Variants in TAF4 observed in about 807,000 individuals in gnomAD.
The protein encoded by TAF4 is TATA-box binding protein associated factor 4.
Under a neutral mutation model 90.3 loss-of-function variants are expected in TAF4, and 9 were observed. That is an observed-to-expected ratio of 0.10 (90% CI 0.06 to 0.17). The LOEUF (loss-of-function observed/expected upper bound fraction) is 0.17, where lower values mean the gene tolerates loss of function less well. TAF4 is among the 10% of genes least tolerant of loss of function. The probability of loss-of-function intolerance (pLI) is 1.00; values close to 1 mark genes in which losing one functional copy is unlikely to be tolerated. For missense variants in TAF4, 1,351 were observed against 1,370.7 expected (o/e 0.99, Z 0.23); for synonymous variants, 818 against 638.9 (o/e 1.28, Z -4.23).
Position 62,009,191 on chromosome 20 carries a change from A to C in TAF4, c.1762-17T>G, listed in dbSNP as rs1438580390. 6.3e-7 allele frequency: 1 copy of C among 1,591,926 alleles called. No individual in the cohort carries two copies. Among genetic ancestry groups the C allele is most frequent in the African/African-American group, 1.4e-5 (1 of 73,618 alleles). ...CATAGTTTCCTGGATTAAAGTAAAA[A>C]GATATAAGTGAAAAATCTTAAAAGG... On this transcript the variant is annotated splice_polypyrimidine_tract_variant and intron_variant, in intron 4 of 14. Coordinates refer to ENST00000252996, the MANE Select transcript of TAF4 (RefSeq NM_003185.4).
In TAF4 at chr20:62,000,177, T is replaced by G. The variant is rs778130892; in HGVS notation, c.2734A>C (p.Asn912His). The G allele has an allele frequency of 1.4e-5, 23 of 1,614,152 alleles. No individual in the cohort carries two copies. The highest frequency in any genetic ancestry group is 1.8e-5 in the Non-Finnish European group (21 of 1,180,036). ...VSHATQQRLQNLVEKISETAQ... is the reference protein window; with the variant it reads ...VSHATQQRLQHLVEKISETAQ... ...GTTTCTGATATTTTCTCTACAAGAT[T>G]CTGTAGCCTTTGTTGCGTGGCATGT... is the stretch of plus-strand genomic sequence containing the variant. The change falls in exon 11 of 15, where the codon AAT (asparagine) becomes CAT (histidine). Residue 912 changes from asparagine to histidine, a missense_variant. By Grantham distance (68) the Asn-to-His change is moderately conservative (BLOSUM62 1). Transcript: ENST00000252996.
intron 11 of TAF4, 106 bp downstream of exon 11, chr20:62,000,018 C>T (rs2055688968): frequency 6.8e-7 from 1 of 1,464,850 alleles, no homozygotes; most frequent in African/African-American, 1.4e-5. Flanking sequence ...CATGGAGGCA[C>T]TTGGGACCCA....
Position 61,998,168 on chromosome 20 carries a change from C to G in TAF4, c.2938G>C (p.Glu980Gln). 1 of 1,613,958 alleles carries G rather than the reference C, an allele frequency of 6.2e-7. No individual in the cohort carries two copies. Among genetic ancestry groups the G allele is most frequent in the Non-Finnish European group, 8.5e-7 (1 of 1,179,978 alleles). ...GCCTTCTGTTTCAGCCTTAACTGTT[C>G]TGGATCTTCTTGTCTTGACCGAGAC... ...AKSRSRQEDP[E>Q]QLRLKQKAKE... is the part of the protein sequence containing the mutation. The change falls in exon 13 of 15, where the codon GAA (glutamate) becomes CAA (glutamine). Residue 980 changes from glutamate (E) to glutamine (Q), a missense_variant. Coordinates refer to ENST00000252996, the MANE Select transcript of TAF4 (RefSeq NM_003185.4).
At chr20:62,021,635 C>T (rs907794607) in intron 1 of TAF4, among the ~76,000 whole-genome samples, 4 of 152,366 alleles carry the variant, frequency 2.6e-5, no homozygotes, top group South Asian at 4.1e-4. Flanking sequence ...ACTCGGCAAC[C>T]TCAGGAGGTG....
intron 5 of TAF4, 128 bp from the exon 6 acceptor site, chr20:62,007,764 G>A: frequency 1.1e-6 from 1 of 871,654 alleles, no homozygotes. Context: ...AGAGGAGATG[G>A]GAAAGTCTGC....
chr20:61,998,044 C>T (rs2055674395), intron 13 of TAF4, 92 bp downstream of exon 13: 1 of 1,240,260 alleles, frequency 8.1e-7, no homozygotes, highest in Non-Finnish European at 1.1e-6. Context: ...GCCTATCGTA[C>T]AGAAGTGCCA....
At chr20:62,019,495 G>GA (rs1369833537) in intron 1 of TAF4, among the ~76,000 whole-genome samples, 1 of 152,194 alleles carries the variant, frequency 6.6e-6, no homozygotes, top group Admixed American at 6.6e-5. Flanking sequence ...TTTTGAAACT[G>GA]AAACAGTGTG....
chr20:61,988,568 G>A (rs6089583), intron 14 of TAF4, among the ~76,000 whole-genome samples: 91,707 of 152,000 alleles, frequency 0.6, 28,117 homozygotes, highest in Middle Eastern at 0.76. Flanking sequence ...CCCTTAAGAG[G>A]TATCCTACAA....
chr20:62,005,131 C>CCTCAGGCAG (rs1315072856), intron 7 of TAF4: 6 of 152,338 alleles, frequency 3.9e-5, no homozygotes, highest in African/African-American at 1.2e-4. Context: ...ACAGGAAGAG[C>CCTCAGGCAG]CTCAGGCAGC....
intron 14 of TAF4, among the ~76,000 whole-genome samples, chr20:61,990,652 G>A (rs567620562): frequency 4.7e-4 from 71 of 152,208 alleles, no homozygotes; most frequent in African/African-American, 1.6e-3. Flanking sequence ...CCTGGCCACC[G>A]CAAATGCCCA....
chr20:62,060,958 C>T (rs185256059), intron 1 of TAF4, among the ~76,000 whole-genome samples: 1 of 152,352 alleles, frequency 6.6e-6, no homozygotes, highest in Admixed American at 6.5e-5. Flanking sequence ...CGCCACCTGA[C>T]AGCTATGTTA....
intron 1 of TAF4, among the ~76,000 whole-genome samples, chr20:62,057,600 G>A (rs2056071901): frequency 6.6e-6 from 1 of 152,084 alleles, no homozygotes. Context: ...GGACACAAAG[G>A]GCCCAGCAAG....
At chr20:62,024,504 C>A (rs1288833534) in intron 1 of TAF4, among the ~76,000 whole-genome samples, 1 of 152,216 alleles carries the variant, frequency 6.6e-6, no homozygotes, top group Non-Finnish European at 1.5e-5. Context: ...AACGGACAGA[C>A]TCTTTAGAAA....
At chr20:61,977,034 G>T in intron 14 of TAF4, among the ~76,000 whole-genome samples, 1 of 152,134 alleles carries the variant, frequency 6.6e-6, no homozygotes, top group African/African-American at 2.4e-5. Flanking sequence ...CCGCCCAGCA[G>T]GGCACGCGCC....
At chr20:62,030,074 CGCTGCGAGGCCAGGCGAGCAGCGCA>C (rs2055896489) in intron 1 of TAF4, among the ~76,000 whole-genome samples, 1 of 152,114 alleles carries the variant, frequency 6.6e-6, no homozygotes, top group Non-Finnish European at 1.5e-5. Flanking sequence ...ACAATGCCAG[CGCTGCGAGGCCAGGCGAGCAGCGCA>C]GCGGGCCAGA....
intron 1 of TAF4, among the ~76,000 whole-genome samples, chr20:62,044,853 G>A (rs1021274784): frequency 2.0e-5 from 3 of 152,176 alleles, no homozygotes; most frequent in African/African-American, 7.2e-5. Flanking sequence ...GGCTCCTCCG[G>A]GAAGAGACAG....
At position 62,012,685 on chromosome 20, in the gene TAF4, T is replaced by C. The variant is rs2055786001; in HGVS notation, c.1641+130A>G. 6.3e-6 allele frequency: 8 copies of C among 1,267,714 alleles called. No homozygotes were observed. In the East Asian group the frequency reaches 1.1e-4, roughly 17 times the overall value. The allele number at this position is 1,267,714 out of a possible 1,614,324, so 78.5% of individuals were successfully genotyped here. On this transcript the variant is annotated intron_variant, in intron 3 of 14. Transcript: ENST00000252996. ...AAAAGCACTTTCTTCACAGAGAACC[T>C]TCCTCCCCAGATTTGACGTAGTATC...
chr20:62,050,502 T>A (rs2056020540), intron 1 of TAF4, among the ~76,000 whole-genome samples: 1 of 151,992 alleles, frequency 6.6e-6, no homozygotes, highest in African/African-American at 2.4e-5. Flanking sequence ...CCCGGGGTGC[T>A]GGCAGCACAG....
chr20:62,014,756 A>C, intron 1 of TAF4, 49 bp from the exon 2 acceptor site: 1 of 1,599,442 alleles, frequency 6.3e-7, no homozygotes, highest in African/African-American at 1.3e-5. Context: ...CCCCAGAGCC[A>C]TGAGGAGGCC....
Sources: gnomAD v4.1 joint callset for allele counts (sites outside exome capture counted in the v4.1 genomes callset) on GRCh38, gnomAD v4.1.1 for gene constraint, MANE v1.5 for transcripts, NCBI Gene and HGNC (gene_info 2026-07-23, HGNC 2026-07-21) for gene names.